MARCHF1: variants seen among roughly 807,000 people sequenced by gnomAD.
MARCHF1 encodes the protein E3 ubiquitin-protein ligase MARCHF1.
Under a neutral mutation model 54.2 loss-of-function variants are expected in MARCHF1, and 40 were observed. The ratio of observed to expected loss-of-function variants is 0.74; its 90% CI spans 0.57 to 0.96. MARCHF1 has a LOEUF of 0.96. Among genes scored for constraint, MARCHF1 ranks in the 40% least tolerant of loss-of-function variants. The probability of loss-of-function intolerance (pLI) is 0.00; values close to 1 mark genes in which losing one functional copy is unlikely to be tolerated. For synonymous variants in MARCHF1, 236 were observed against 236.3 expected (o/e 1.00, Z 0.01); for missense variants, 586 against 656.5 (o/e 0.89, Z 1.17).
rs116698495 is a variant in MARCHF1, at chr4:164,257,538, G to C, written c.-323+126332C>G. ...ATTCTTATCTATTAACTAGCTATAA[G>C]ATAAATTTCTTTGAAAAACCATGGG... On this transcript the variant is annotated intron_variant, in intron 1 of 9. Transcript: ENST00000514618. Among the ~76,000 whole-genome samples the C allele has an allele frequency of 3.8e-3, 576 of 151,492 alleles. 7 individuals are homozygous for C. The highest frequency in any genetic ancestry group is 0.017 in the South Asian group (80 of 4,792).
At chr4:164,246,996 T>G (rs201259466) in intron 1 of MARCHF1, among the ~76,000 whole-genome samples, 1,700 of 47,038 alleles carry the variant, frequency 0.036, 43 homozygotes, top group African/African-American at 0.082. Context: ...GGAACACTTT[T>G]ACACTGTTGG....
chr4:163,957,126 CAG>C (rs1356628101), intron 3 of MARCHF1, among the ~76,000 whole-genome samples: 5 of 151,372 alleles, frequency 3.3e-5, no homozygotes, highest in African/African-American at 4.8e-5. Flanking sequence ...AATTTACTAA[CAG>C]AAATTTTCTA....
At chr4:164,134,959 G>T (rs956034378) in intron 1 of MARCHF1, among the ~76,000 whole-genome samples, 7 of 152,116 alleles carry the variant, frequency 4.6e-5, no homozygotes, top group African/African-American at 1.7e-4. Context: ...AATTAGGCAG[G>T]ATAATGGGTA....
At chr4:164,366,010 A>G (rs1016867352) in intron 1 of MARCHF1, among the ~76,000 whole-genome samples, 16 of 152,130 alleles carry the variant, frequency 1.1e-4, no homozygotes, top group Non-Finnish European at 1.0e-4. Flanking sequence ...ATTTGTTTTG[A>G]ACAAGAAGTT....
At chr4:163,902,014 C>A (rs1750952828) in intron 3 of MARCHF1, among the ~76,000 whole-genome samples, 1 of 152,170 alleles carries the variant, frequency 6.6e-6, no homozygotes, top group Admixed American at 6.6e-5. Flanking sequence ...GAAAACGGTG[C>A]CTGTGAGGAT....
intron 3 of MARCHF1, among the ~76,000 whole-genome samples, chr4:163,855,511 A>C (rs13105487): frequency 0.98 from 149,341 of 152,280 alleles, 73,279 homozygotes; most frequent in Middle Eastern, 1. Flanking sequence ...TAATCATCAG[A>C]TTTTAATTGC....
At chr4:163,550,082 C>T (rs2110935180) in intron 8 of MARCHF1, among the ~76,000 whole-genome samples, 1 of 152,106 alleles carries the variant, frequency 6.6e-6, no homozygotes, top group Admixed American at 6.5e-5. Context: ...CAGGAGTTCG[C>T]CACCAACCTG....
chr4:164,111,722 T>C (rs1251400484), intron 1 of MARCHF1, 60 bp from the exon 2 acceptor site: 1 of 151,728 alleles, frequency 6.6e-6, no homozygotes, highest in Non-Finnish European at 1.5e-5. Flanking sequence ...AAGGAAACTA[T>C]GGTTTGTATA....
chr4:163,810,218 A>G (rs1748345476), intron 4 of MARCHF1, among the ~76,000 whole-genome samples: 1 of 152,178 alleles, frequency 6.6e-6, no homozygotes, highest in Admixed American at 6.5e-5. Flanking sequence ...TCAATGTATA[A>G]ATCCATGGAT....
chr4:163,910,862 C>G (rs928840104), intron 3 of MARCHF1, among the ~76,000 whole-genome samples: 1 of 152,202 alleles, frequency 6.6e-6, no homozygotes, highest in Non-Finnish European at 1.5e-5. Context: ...TGAGTTACCA[C>G]TAATAATTTT....
intron 4 of MARCHF1, among the ~76,000 whole-genome samples, chr4:163,745,161 G>A (rs1421089816): frequency 6.9e-6 from 1 of 144,986 alleles, no homozygotes; most frequent in Non-Finnish European, 1.5e-5. Context: ...CACCCAGGCT[G>A]TAGTGCAGTG....
chr4:163,962,672 A>C (rs1019994415), intron 3 of MARCHF1, among the ~76,000 whole-genome samples: 3 of 151,966 alleles, frequency 2.0e-5, no homozygotes, highest in Non-Finnish European at 4.4e-5. Flanking sequence ...ATTCTCCTTA[A>C]TTTTAAAACT....
intron 3 of MARCHF1, among the ~76,000 whole-genome samples, chr4:163,871,163 G>A (rs914954523): frequency 6.6e-6 from 1 of 151,996 alleles, no homozygotes; most frequent in East Asian, 1.9e-4. Context: ...GATAAAAATA[G>A]CTAGAAACCA....
intron 3 of MARCHF1, among the ~76,000 whole-genome samples, chr4:163,871,630 T>C (rs1160022780): frequency 6.6e-6 from 1 of 152,192 alleles, no homozygotes; most frequent in African/African-American, 2.4e-5. Context: ...TCGCATTTTA[T>C]TATGTTAAAA....
At chr4:163,978,878 T>C (rs1752701683) in intron 3 of MARCHF1, among the ~76,000 whole-genome samples, 1 of 152,026 alleles carries the variant, frequency 6.6e-6, no homozygotes, top group African/African-American at 2.4e-5. Context: ...TGTTCCACCA[T>C]GCATGGATAA....
intron 1 of MARCHF1, among the ~76,000 whole-genome samples, chr4:164,183,540 GA>G (rs751228719): frequency 6.6e-6 from 1 of 152,218 alleles, no homozygotes. Context: ...TTGAATTCCA[GA>G]AAAGCCTTCT....
intron 1 of MARCHF1, among the ~76,000 whole-genome samples, chr4:164,180,502 TG>T (rs1372471038): frequency 6.7e-6 from 1 of 150,246 alleles, no homozygotes; most frequent in Non-Finnish European, 1.5e-5. Flanking sequence ...ATATGGAGCT[TG>T]GTAATGATAA....
At chr4:164,274,659 C>CTTTTTTTTTTTT (rs70952617) in intron 1 of MARCHF1, among the ~76,000 whole-genome samples, 25 of 44,636 alleles carry the variant, frequency 5.6e-4, no homozygotes, top group Non-Finnish European at 9.7e-4. Context: ...TCAGGGTACA[C>CTTTTTTTTTTTT]TTTTTTTTTT....
chr4:164,124,314 G>C (rs1756135310), intron 1 of MARCHF1, among the ~76,000 whole-genome samples: 1 of 151,996 alleles, frequency 6.6e-6, no homozygotes, highest in Admixed American at 6.6e-5. Context: ...AGGGAACCTT[G>C]GCACACTGTT....
Sources: gnomAD v4.1 joint callset for allele counts (sites outside exome capture counted in the v4.1 genomes callset) on GRCh38, gnomAD v4.1.1 for gene constraint, MANE v1.5 for transcripts, NCBI Gene and HGNC (gene_info 2026-07-23, HGNC 2026-07-21) for gene names.